Variants in KIF13B observed in about 807,000 individuals in gnomAD.
The protein encoded by KIF13B is kinesin family member 13B.
A neutral mutation model predicts 222.0 loss-of-function variants in KIF13B; 127 were observed. That is an observed-to-expected ratio of 0.57 (90% CI 0.50 to 0.66). KIF13B has a LOEUF of 0.66. Among genes scored for constraint, KIF13B ranks in the 30% least tolerant of loss-of-function variants. The pLI is 0.00. For synonymous variants in KIF13B, 976 were observed against 919.0 expected (o/e 1.06, Z -1.12); for missense variants, 2,173 against 2,379.0 (o/e 0.91, Z 1.80).
rs1245800894 is a variant in KIF13B at position 29,140,183 on chromosome 8, A to G, written c.2493T>C (p.Gly831=). The G allele has an allele frequency of 6.2e-7, 1 of 1,613,516 alleles. No individual in the cohort carries two copies. Among genetic ancestry groups the G allele is most frequent in the South Asian group, 1.1e-5 (1 of 91,034 alleles). The change falls in exon 21 of 40, where the codon GGT becomes GGC. Residue 831 remains glycine, a synonymous_variant. Coordinates refer to ENST00000524189, the MANE Select transcript of KIF13B (RefSeq NM_015254.4). ...PIINQKGEVA[G]RLHVEVMRLS... Reference sequence around the variant, plus strand: ...GTCGCATCACCTCCACGTGCAGCCGACCTGCCACCTGCAGCAATGAGGGAA... The same window carrying G: ...GTCGCATCACCTCCACGTGCAGCCGGCCTGCCACCTGCAGCAATGAGGGAA...
At position 29,148,632 on chromosome 8, in the gene KIF13B, G is replaced by C. The variant is rs755138971; in HGVS notation, c.1758C>G (p.Asn586Lys). 2.5e-6 allele frequency: 4 copies of C among 1,612,744 alleles called. No individual in the cohort carries two copies. Among genetic ancestry groups the C allele is most frequent in the Non-Finnish European group, 2.5e-6 (3 of 1,179,458 alleles). ...DSSSEVSSEV[N>K]FNYEYAQMEV... is the part of the protein sequence containing the mutation. ...CCATCTGTGCGTATTCGTAATTAAA[G>C]TTAACTTCACTGGACACCTCGCTGG... The change falls in exon 16 of 40, where the codon AAC (asparagine) becomes AAG (lysine). Residue 586 changes from asparagine (N) to lysine (K), a missense_variant. Physicochemically the swap from Asn to Lys is moderately conservative, Grantham distance 94. Transcript: ENST00000524189.
chr8:29,110,459 G>A (rs934290803), intron 32 of KIF13B: 8 of 232,816 alleles, frequency 3.4e-5, no homozygotes, highest in Admixed American at 1.6e-4. Flanking sequence ...AGAGGGGCTG[G>A]GGTGACTGCT....
chr8:29,225,268 T>C (rs1029292861), intron 2 of KIF13B, among the ~76,000 whole-genome samples: 4 of 152,220 alleles, frequency 2.6e-5, no homozygotes, highest in African/African-American at 7.2e-5. Context: ...GCCACAGTTA[T>C]GAGCATTTTA....
At chr8:29,146,259 C>T (rs1473716972) in intron 18 of KIF13B, 119 bp downstream of exon 18, 1 of 992,006 alleles carries the variant, frequency 1.0e-6, no homozygotes, top group African/African-American at 1.6e-5. Context: ...GCATGGAGGA[C>T]AAAGGATCTG....
In KIF13B at chr8:29,147,563, T is replaced by C. The variant is rs2129991609; in HGVS notation, c.1853A>G (p.His618Arg). The stretch of plus-strand genomic sequence containing the variant: ...CAGTGCAGATCGTTTTTCTTCTTCA[T>C]GCTGTTGTTCTAAGCTGTTTAATAT... ...QSILNSLEQQ[H>R]EEEKRSALER... The change falls in exon 17 of 40, where the codon CAT (histidine) becomes CGT (arginine). Residue 618 changes from histidine to arginine, a missense_variant. By Grantham distance (29) the His-to-Arg change is conservative. This residue lies in a region of KIF13B where 1,480 missense variants were observed against 1,722.8 expected (regional missense o/e 0.86). Coordinates refer to ENST00000524189, the MANE Select transcript of KIF13B (RefSeq NM_015254.4). The C allele has an allele frequency of 6.2e-7, 1 of 1,613,524 alleles. No homozygotes were observed. The highest frequency in any genetic ancestry group is 2.2e-5 in the East Asian group (1 of 44,884).
chr8:29,233,547 C>T (rs1424510736), intron 2 of KIF13B, among the ~76,000 whole-genome samples: 1 of 152,206 alleles, frequency 6.6e-6, no homozygotes, highest in Non-Finnish European at 1.5e-5. Flanking sequence ...TTAACCTGTG[C>T]TAGCACATTA....
chr8:29,197,027 C>A (rs1408581703), intron 2 of KIF13B, among the ~76,000 whole-genome samples: 1 of 152,154 alleles, frequency 6.6e-6, no homozygotes, highest in Non-Finnish European at 1.5e-5. Flanking sequence ...ACTGACATCT[C>A]ATCAGGGGAC....
chr8:29,258,742 C>A (rs28538409), intron 1 of KIF13B, among the ~76,000 whole-genome samples: 1 of 152,192 alleles, frequency 6.6e-6, no homozygotes, highest in Non-Finnish European at 1.5e-5. Context: ...CCAAAGTTCA[C>A]CCTCCTCAGT....
At position 29,179,308 on chromosome 8, in the gene KIF13B, G is replaced by T. The variant is rs143150910; in HGVS notation, c.720+796C>A. Among the ~76,000 whole-genome samples, 527 of 152,254 alleles carry T rather than the reference G, an allele frequency of 3.5e-3. 2 individuals carry two copies. Among genetic ancestry groups the T allele is most frequent in the Non-Finnish European group, 5.5e-3 (375 of 68,008 alleles). ...AATTTTCAAATATTCTGTAGAAATG[G>T]AGTCTCATTATGTTACCAGGCTGTT... is the stretch of plus-strand genomic sequence containing the variant. On this transcript the variant is annotated intron_variant, in intron 8 of 39. Coordinates refer to ENST00000524189, the MANE Select transcript of KIF13B (RefSeq NM_015254.4).
At chr8:29,119,527 C>T (rs1247016854) in intron 29 of KIF13B, among the ~76,000 whole-genome samples, 2 of 152,172 alleles carry the variant, frequency 1.3e-5, no homozygotes, top group Non-Finnish European at 2.9e-5. Context: ...AGGAGGTGGG[C>T]ATGGGGGGAC....
intron 14 of KIF13B, among the ~76,000 whole-genome samples, chr8:29,151,516 T>C (rs12681265): frequency 1.3e-5 from 2 of 152,344 alleles, no homozygotes; most frequent in East Asian, 3.9e-4. Context: ...ATGTAGCTGG[T>C]GACTTTTAAG....
At chr8:29,117,657 C>G (rs533467149) in intron 30 of KIF13B, among the ~76,000 whole-genome samples, 1 of 152,242 alleles carries the variant, frequency 6.6e-6, no homozygotes, top group South Asian at 2.1e-4. Flanking sequence ...TCCTCACTGT[C>G]AAGACTCAAG....
chr8:29,176,887 G>A (rs1222784565), intron 9 of KIF13B, among the ~76,000 whole-genome samples: 3 of 151,990 alleles, frequency 2.0e-5, no homozygotes, highest in Admixed American at 6.6e-5. Flanking sequence ...ATATTACTTC[G>A]TAAAGTCTTA....
At chr8:29,206,970 C>T (rs1006291037) in intron 2 of KIF13B, among the ~76,000 whole-genome samples, 1 of 152,126 alleles carries the variant, frequency 6.6e-6, no homozygotes, top group Non-Finnish European at 1.5e-5. Context: ...GGCACAACGC[C>T]ACCCTGCTTC....
chr8:29,083,199 T>G (rs781307755), intron 37 of KIF13B, among the ~76,000 whole-genome samples: 1 of 152,206 alleles, frequency 6.6e-6, no homozygotes, highest in Admixed American at 6.5e-5. Context: ...GCTTTTACAT[T>G]CTTAATGACT....
intron 12 of KIF13B, among the ~76,000 whole-genome samples, chr8:29,165,170 A>T (rs1233135881): frequency 6.6e-6 from 1 of 152,152 alleles, no homozygotes; most frequent in African/African-American, 2.4e-5. Flanking sequence ...TTTCATAACT[A>T]TCACTGTCAC....
rs1436848926 is a variant in KIF13B at position 29,071,836 on chromosome 8, C to T, written c.5002G>A (p.Gly1668Ser). The T allele has an allele frequency of 6.5e-7, 1 of 1,540,882 alleles. No homozygotes were observed. Among genetic ancestry groups the T allele is most frequent in the Admixed American group, 2.0e-5 (1 of 50,864 alleles). Residue 1668 changes from glycine to serine, a missense_variant, in exon 39 of 40, where the codon GGC (glycine) becomes AGC (serine). Physicochemically the swap from Gly to Ser is moderately conservative, Grantham distance 56 (BLOSUM62 0). Around this residue, in one of 2 missense-constraint regions of KIF13B, gnomAD observed 693 missense variants for 656.2 expected, o/e 1.06. Coordinates refer to ENST00000524189, the MANE Select transcript of KIF13B (RefSeq NM_015254.4). This position sits in a 1 kb window ranked among gnomAD's most constrained non-coding sequence, Gnocchi z 4.9. ...SFSRMLAGDP[G>S]CSPGAEGNAP... ...TTCCCCTCGGCCCCCGGGGAGCAGC[C>T]GGGGTCCCCAGCCAGCATGCGCGAG...
At chr8:29,130,411 A>T in intron 24 of KIF13B, 122 bp downstream of exon 24, 1 of 1,032,458 alleles carries the variant, frequency 9.7e-7, no homozygotes, top group Non-Finnish European at 1.5e-6. Flanking sequence ...GGAGAATTTT[A>T]ATGTAAGAAA....
At chr8:29,121,143 C>T (rs1046183749) in intron 29 of KIF13B, among the ~76,000 whole-genome samples, 3 of 150,988 alleles carry the variant, frequency 2.0e-5, no homozygotes, top group African/African-American at 7.3e-5. Flanking sequence ...AGGTAATTTA[C>T]AGATTCAATG....
Sources: gnomAD v4.1 joint callset for allele counts (sites outside exome capture counted in the v4.1 genomes callset) on GRCh38, gnomAD v4.1.1 for gene constraint, gnomAD v4.1.1 regional missense constraint, Gnocchi (gnomAD v3.1) non-coding constraint, MANE v1.5 for transcripts, NCBI Gene and HGNC (gene_info 2026-07-23, HGNC 2026-07-21) for gene names.